Variants in FKBP1A observed in about 807,000 individuals in gnomAD.
The protein encoded by FKBP1A is FKBP prolyl isomerase 1A.
Under a neutral mutation model 14.2 loss-of-function variants are expected in FKBP1A, and 5 were observed. The ratio of observed to expected loss-of-function variants is 0.35; its 90% CI spans 0.18 to 0.74. The LOEUF (loss-of-function observed/expected upper bound fraction) is 0.74. FKBP1A is among the 30% of genes least tolerant of loss of function. The pLI, the probability that FKBP1A is intolerant of heterozygous loss-of-function variation, is 0.56. For synonymous variants in FKBP1A, 42 were observed against 49.1 expected, an observed-to-expected ratio of 0.86 and a Z score of 0.60; for missense variants, 53 against 138.8, an observed-to-expected ratio of 0.38 and a Z score of 3.10.
At chr20:1,374,617 C>G (rs1053157773) in intron 3 of FKBP1A, 22 of 152,164 alleles carry the variant, frequency 1.4e-4, no homozygotes, top group Admixed American at 1.4e-3. Flanking sequence ...ACACTACACA[C>G]AGCTTTTGAG....
chr20:1,391,690 T>C (rs1304303427), intron 2 of FKBP1A: 1 of 398,668 alleles, frequency 2.5e-6, no homozygotes, highest in East Asian at 3.6e-5. Flanking sequence ...TGGAGCTTAT[T>C]CGTGAGCAAC....
chr20:1,384,736 G>A (rs1449027771), intron 2 of FKBP1A, among the ~76,000 whole-genome samples: 1 of 152,052 alleles, frequency 6.6e-6, no homozygotes, highest in African/African-American at 2.4e-5. Flanking sequence ...CCCTGAAGTG[G>A]GGTTCTGAGA....
At chr20:1,370,888 G>A in intron 4 of FKBP1A, 1 of 985,498 alleles carries the variant, frequency 1.0e-6, no homozygotes, top group Non-Finnish European at 1.2e-6. Flanking sequence ...GGCAGACAAA[G>A]GCCCTGTAAA....
chr20:1,390,873 T>G (rs1457393447), intron 2 of FKBP1A, among the ~76,000 whole-genome samples: 2 of 152,176 alleles, frequency 1.3e-5, no homozygotes, highest in Non-Finnish European at 2.9e-5. Context: ...AGAAAGCTTT[T>G]GTCCTAATGC....
intron 2 of FKBP1A, among the ~76,000 whole-genome samples, chr20:1,390,365 A>C (rs891891234): frequency 1.8e-4 from 1 of 5,656 alleles, no homozygotes; most frequent in African/African-American, 4.8e-4. Flanking sequence ...GGGAGGGGGG[A>C]GGGGGGACGG....
intron 4 of FKBP1A, 91 bp downstream of exon 4, chr20:1,371,985 T>G (rs552505934): frequency 1.0e-5 from 15 of 1,503,022 alleles, no homozygotes; most frequent in Non-Finnish European, 1.2e-5. Context: ...CCTTGTGGTG[T>G]TTTTTGTTCT....
chr20:1,376,011 TC>T (rs1281141200), intron 2 of FKBP1A, among the ~76,000 whole-genome samples: 1 of 152,160 alleles, frequency 6.6e-6, no homozygotes, highest in African/African-American at 2.4e-5. Flanking sequence ...GAAGCAATAT[TC>T]CTTCCCAAAA....
rs2039114376 is a variant in FKBP1A at position 1,386,433 on chromosome 20, G to A, written c.85+6401C>T. Among the ~76,000 whole-genome samples, 2 of 152,212 alleles carry A rather than the reference G, an allele frequency of 1.3e-5. No individual in the cohort carries two copies. Among genetic ancestry groups the A allele is most frequent in the African/African-American group, 2.4e-5 (1 of 41,454 alleles). On this transcript the variant is annotated intron_variant, in intron 2 of 4. Transcript: ENST00000400137. This position sits in a 1 kb window ranked among gnomAD's most constrained non-coding sequence, Gnocchi z 4.7. ...GCTACTCTATGCCAAGACTGATGGG[G>A]AGACCTTGGAGAACAACACTAGTGT... is the stretch of plus-strand genomic sequence containing the variant.
intron 2 of FKBP1A, among the ~76,000 whole-genome samples, chr20:1,391,935 C>G (rs1460817589): frequency 6.6e-6 from 1 of 152,122 alleles, no homozygotes; most frequent in Non-Finnish European, 1.5e-5. Context: ...CCCCCTCCCC[C>G]GCCCCCATAC....
chr20:1,372,190 A>G lies in FKBP1A; in HGVS notation c.249T>C (p.Tyr83=). Residue 83 remains tyrosine (Y), a synonymous_variant, in exon 4 of 5, where the codon TAT becomes TAC. Coordinates refer to ENST00000400137, the MANE Select transcript of FKBP1A (RefSeq NM_000801.5). ...AKLTISPDYA[Y]GATGHPGIIP... is the part of the protein sequence containing the mutation. Reference sequence around the variant, plus strand: ...TGATGCCTGGGTGCCCAGTGGCACCATAGGCATAATCTGGAGATATAGTCA... The same window carrying G: ...TGATGCCTGGGTGCCCAGTGGCACCGTAGGCATAATCTGGAGATATAGTCA... 6 of 1,613,770 alleles carry G rather than the reference A, an allele frequency of 3.7e-6. No homozygotes were observed. The highest frequency in any genetic ancestry group is 5.1e-6 in the Non-Finnish European group (6 of 1,179,722).
rs4505594 is a variant in FKBP1A at position 1,379,834 on chromosome 20, C to T, written c.86-4231G>A. ...GGTGTCACACAACTGGCACAAGCTA[C>T]AGGACAAGGAGAAGGAGGGCTTCCC... On this transcript the variant is annotated intron_variant, in intron 2 of 4. Transcript: ENST00000400137. This position sits in a 1 kb window ranked among gnomAD's most constrained non-coding sequence, Gnocchi z 4.3. Among the ~76,000 whole-genome samples the T allele has an allele frequency of 0.11, 17,038 of 152,146 alleles. 1,146 individuals carry two copies. The highest frequency in any genetic ancestry group is 0.17 in the African/African-American group (7,219 of 41,500).
chr20:1,380,023 G>A (rs1052543661), intron 2 of FKBP1A, among the ~76,000 whole-genome samples: 1 of 152,096 alleles, frequency 6.6e-6, no homozygotes, highest in African/African-American at 2.4e-5. Flanking sequence ...TTCTGGTCAC[G>A]GTGGAGGACA....
At chr20:1,390,747 A>G (rs1176512644) in intron 2 of FKBP1A, among the ~76,000 whole-genome samples, 1 of 152,196 alleles carries the variant, frequency 6.6e-6, no homozygotes, top group Non-Finnish European at 1.5e-5. Flanking sequence ...CTGGTGACAA[A>G]GACCCACGGG....
intron 4 of FKBP1A, chr20:1,370,566 GAGTATACTGGGAAAATATCTCC>G (rs1480476080): frequency 3.0e-6 from 3 of 985,246 alleles, no homozygotes; most frequent in Non-Finnish European, 3.6e-6. Context: ...TCATAATGTT[GAGTATACTGGGAAAATATCTCC>G]AGTATTCATT....
chr20:1,384,374 A>G (rs2089648422), intron 2 of FKBP1A, among the ~76,000 whole-genome samples: 1 of 152,228 alleles, frequency 6.6e-6, no homozygotes. Flanking sequence ...TAGAGAAAGA[A>G]ATCTTAAAAA....
chr20:1,376,797 G>C (rs2089550567), intron 2 of FKBP1A: 1 of 151,988 alleles, frequency 6.6e-6, no homozygotes, highest in South Asian at 2.1e-4. Context: ...TATTATTCCA[G>C]TTTCCCAGAA....
intron 3 of FKBP1A, among the ~76,000 whole-genome samples, chr20:1,373,815 T>C (rs929503232): frequency 3.3e-5 from 5 of 151,880 alleles, no homozygotes; most frequent in Middle Eastern, 3.2e-3. Context: ...AGATGGGGGA[T>C]GGGCTACAGA....
intron 2 of FKBP1A, among the ~76,000 whole-genome samples, chr20:1,376,355 TGAAA>T (rs544487970): frequency 7.2e-5 from 11 of 152,256 alleles, no homozygotes; most frequent in African/African-American, 2.4e-4. Context: ...AATAGAGAAA[TGAAA>T]GAAAGAATTT....
chr20:1,373,628 G>T (rs1031550168), intron 3 of FKBP1A, among the ~76,000 whole-genome samples: 3 of 152,266 alleles, frequency 2.0e-5, no homozygotes, highest in South Asian at 2.1e-4. Flanking sequence ...CAGTTAAAGG[G>T]GGAGTCAGGC....
Sources: gnomAD v4.1 joint callset for allele counts (sites outside exome capture counted in the v4.1 genomes callset) on GRCh38, gnomAD v4.1.1 for gene constraint, Gnocchi (gnomAD v3.1) non-coding constraint, MANE v1.5 for transcripts, NCBI Gene and HGNC (gene_info 2026-07-23, HGNC 2026-07-21) for gene names.